MDGA2: variants seen among roughly 807,000 people sequenced by gnomAD.
MDGA2 encodes the protein MAM domain-containing glycosylphosphatidylinositol anchor protein 2.
In MDGA2, 40 loss-of-function variants were observed where a neutral mutation model predicts 117.8. The observed-to-expected ratio is 0.34, with a 90% CI of 0.26 to 0.44. The LOEUF is 0.44. MDGA2 is among the 20% of genes least tolerant of loss of function. The pLI, the probability that MDGA2 is intolerant of heterozygous loss-of-function variation, is 1.00. For missense variants in MDGA2, 1,123 were observed against 1,250.6 expected (o/e 0.90, Z 1.54); for synonymous variants, 452 against 439.0 (o/e 1.03, Z -0.37).
rs1234453662 is a variant in MDGA2 at position 47,450,603 on chromosome 14, TGCA to T, written c.281-149056_281-149054del. ...AACTGTCATTTTGAACTATTCTTAT[TGCA>T]TCTATGAGAATTTATGAAGACATTT... On this transcript the variant is annotated intron_variant, in intron 1 of 16. Transcript: ENST00000399232. 2.0e-5 allele frequency among the ~76,000 whole-genome samples: 3 copies of T among 152,172 alleles called. No individual in the cohort carries two copies. In the East Asian group the frequency reaches 5.8e-4, roughly 29 times the overall value.
chr14:47,655,342 C>T (rs1335223429), intron 1 of MDGA2, among the ~76,000 whole-genome samples: 1 of 152,160 alleles, frequency 6.6e-6, no homozygotes, highest in Non-Finnish European at 1.5e-5. Context: ...CAGCAGTACG[C>T]ATCTTCCATC....
chr14:47,549,868 C>T (rs557504969), intron 1 of MDGA2, among the ~76,000 whole-genome samples: 6 of 152,140 alleles, frequency 3.9e-5, no homozygotes, highest in African/African-American at 7.2e-5. Context: ...CACCAGAAAG[C>T]GACTATGCTG....
intron 1 of MDGA2, among the ~76,000 whole-genome samples, chr14:47,418,477 A>G (rs1387674899): frequency 6.6e-6 from 1 of 152,178 alleles, no homozygotes; most frequent in Non-Finnish European, 1.5e-5. Flanking sequence ...TCTGATTCCT[A>G]GATGATGGCT....
intron 9 of MDGA2, among the ~76,000 whole-genome samples, chr14:46,949,415 A>C (rs2138606444): frequency 6.6e-6 from 1 of 152,080 alleles, no homozygotes; most frequent in African/African-American, 2.4e-5. Flanking sequence ...ATATTGCATA[A>C]TGCTGAGGTT....
At chr14:47,017,173 T>G (rs553522215) in intron 8 of MDGA2, among the ~76,000 whole-genome samples, 1 of 151,996 alleles carries the variant, frequency 6.6e-6, no homozygotes, top group East Asian at 1.9e-4. Flanking sequence ...AGGAAAACAT[T>G]TTCCTGACTT....
Position 47,617,502 on chromosome 14 carries a change from C to A in MDGA2, c.280+57015G>T, listed in dbSNP as rs555267617. ...TACAAGTGTGAATCACCGCACCCGG[C>A]CTATTAGTCCTTTTTAAATGAAAAA... On this transcript the variant is annotated intron_variant, in intron 1 of 16. Transcript: ENST00000399232. 8.5e-5 allele frequency among the ~76,000 whole-genome samples: 13 copies of A among 152,270 alleles called. No individual in the cohort carries two copies. The South Asian group carries it at 1.0e-3, about 12-fold the overall frequency.
chr14:47,044,384 T>C (rs527965384), intron 7 of MDGA2, among the ~76,000 whole-genome samples: 2 of 152,136 alleles, frequency 1.3e-5, no homozygotes, highest in Non-Finnish European at 2.9e-5. Context: ...CTTGGTAATA[T>C]TGAGTAATTT....
At chr14:46,952,692 T>C (rs12589679) in intron 9 of MDGA2, among the ~76,000 whole-genome samples, 17,865 of 151,756 alleles carry the variant, frequency 0.12, 1,985 homozygotes, top group African/African-American at 0.27. Flanking sequence ...AACTGTAGCA[T>C]AGAGATATAC....
intron 8 of MDGA2, among the ~76,000 whole-genome samples, chr14:46,984,710 A>C (rs1886802461): frequency 6.6e-6 from 1 of 152,046 alleles, no homozygotes; most frequent in African/African-American, 2.4e-5. Context: ...GTACTGATAG[A>C]TGAATAGTTA....
intron 2 of MDGA2, among the ~76,000 whole-genome samples, chr14:47,268,287 A>T (rs187589672): frequency 9.9e-4 from 151 of 151,886 alleles, no homozygotes; most frequent in African/African-American, 3.5e-3. Flanking sequence ...GTTGGCCAGG[A>T]TGGTCTCGAA....
intron 10 of MDGA2, among the ~76,000 whole-genome samples, chr14:46,897,368 C>A (rs1318988297): frequency 6.6e-6 from 1 of 152,028 alleles, no homozygotes; most frequent in African/African-American, 2.4e-5. Context: ...AGGAAATTAA[C>A]AGTTGGAGAA....
At chr14:47,649,283 T>C (rs1033682918) in intron 1 of MDGA2, among the ~76,000 whole-genome samples, 1 of 152,186 alleles carries the variant, frequency 6.6e-6, no homozygotes, top group Non-Finnish European at 1.5e-5. Flanking sequence ...AGTTTATCTA[T>C]AGACAAATTT....
chr14:47,549,711 T>C (rs1895543652), intron 1 of MDGA2, among the ~76,000 whole-genome samples: 1 of 152,152 alleles, frequency 6.6e-6, no homozygotes, highest in Non-Finnish European at 1.5e-5. Context: ...CCTGATCTGA[T>C]AGGACTGGTT....
At chr14:47,583,541 T>C (rs536424133) in intron 1 of MDGA2, among the ~76,000 whole-genome samples, 31 of 151,870 alleles carry the variant, frequency 2.0e-4, no homozygotes, top group Admixed American at 1.3e-3. Context: ...CCTTGAAAAA[T>C]TGATAAATAT....
chr14:46,904,055 G>A (rs1480963841), intron 10 of MDGA2, among the ~76,000 whole-genome samples: 2 of 152,032 alleles, frequency 1.3e-5, no homozygotes, highest in South Asian at 2.1e-4. Context: ...TTACTGAAAG[G>A]AAGACATATA....
At chr14:46,918,389 T>G (rs1883982674) in intron 10 of MDGA2, among the ~76,000 whole-genome samples, 2 of 152,162 alleles carry the variant, frequency 1.3e-5, no homozygotes, top group South Asian at 4.1e-4. Context: ...TGAAAGGTTA[T>G]AAAATATTAG....
In MDGA2 at chr14:46,922,391, C is replaced by T. The variant is rs570868660; in HGVS notation, c.2090-2231G>A. ...GGTCATTTAAATTAACTTTCAGTCCCGAAACTGAACTGTGTAGGCTGCTAT... is the reference window on the plus strand; with the variant it reads ...GGTCATTTAAATTAACTTTCAGTCCTGAAACTGAACTGTGTAGGCTGCTAT... On this transcript the variant is annotated intron_variant, in intron 9 of 16. Transcript: ENST00000399232. 1.4e-4 allele frequency among the ~76,000 whole-genome samples: 22 copies of T among 152,094 alleles called. 1 individual carries two copies. In the East Asian group the frequency reaches 3.3e-3, roughly 23 times the overall value.
At chr14:47,392,844 A>C (rs1160258518) in intron 1 of MDGA2, among the ~76,000 whole-genome samples, 1 of 152,164 alleles carries the variant, frequency 6.6e-6, no homozygotes, top group Non-Finnish European at 1.5e-5. Flanking sequence ...TATTGCCTAA[A>C]TGGAAATAAG....
At chr14:47,403,121 T>C (rs924036709) in intron 1 of MDGA2, among the ~76,000 whole-genome samples, 1 of 152,220 alleles carries the variant, frequency 6.6e-6, no homozygotes, top group African/African-American at 2.4e-5. Context: ...CTCTTATTCC[T>C]AGTCACCACT....
Sources: gnomAD v4.1 joint callset for allele counts (sites outside exome capture counted in the v4.1 genomes callset) on GRCh38, gnomAD v4.1.1 for gene constraint, MANE v1.5 for transcripts, NCBI Gene and HGNC (gene_info 2026-07-23, HGNC 2026-07-21) for gene names.